MACROD2: variants seen among roughly 807,000 people sequenced by gnomAD.
MACROD2 encodes the protein ADP-ribose glycohydrolase MACROD2.
MACROD2 carries 36 observed loss-of-function variants against 70.4 expected under a neutral mutation model. The observed-to-expected ratio is 0.51, with a 90% CI of 0.39 to 0.68. MACROD2 has a LOEUF of 0.68. Among genes scored for constraint, MACROD2 ranks in the 30% least tolerant of loss-of-function variants. The pLI is 0.00. For missense variants in MACROD2, 496 were observed against 538.4 expected (o/e 0.92, Z 0.78); for synonymous variants, 172 against 178.8 (o/e 0.96, Z 0.30).
chr20:15,338,856 G>A (rs999741623), intron 6 of MACROD2, among the ~76,000 whole-genome samples: 1 of 137,284 alleles, frequency 7.3e-6, no homozygotes, highest in African/African-American at 3.6e-5. Context: ...AAGCATTATG[G>A]TTCATTTTAA....
rs563545713 is a variant in MACROD2 at position 15,607,398 on chromosome 20, A to G, written c.645+107551A>G. ...AGATGCTCAGTTCTTTCCTGTTCAC[A>G]GTGACCCAAGAGCTTGATACTTTTC... is the stretch of plus-strand genomic sequence containing the variant. On this transcript the variant is annotated intron_variant, in intron 8 of 17. Coordinates refer to ENST00000684519, the MANE Select transcript of MACROD2 (RefSeq NM_001351661.2). Among the ~76,000 whole-genome samples, 45 of 152,362 alleles carry G rather than the reference A, an allele frequency of 3.0e-4. 1 individual carries two copies. In the South Asian group the frequency reaches 8.5e-3, roughly 29 times the overall value.
At chr20:15,950,609 C>T (rs561285236) in intron 12 of MACROD2, among the ~76,000 whole-genome samples, 1 of 152,274 alleles carries the variant, frequency 6.6e-6, no homozygotes, top group South Asian at 2.1e-4. Context: ...TGTATTTTGA[C>T]TGGGCAAAAA....
intron 3 of MACROD2, among the ~76,000 whole-genome samples, chr20:14,176,717 A>C (rs1223671976): frequency 1.3e-5 from 2 of 152,196 alleles, no homozygotes; most frequent in Non-Finnish European, 2.9e-5. Context: ...TATAAGAAGA[A>C]ATGTTATGCT....
chr20:14,222,269 A>C (rs976062386), intron 3 of MACROD2, among the ~76,000 whole-genome samples: 1 of 152,224 alleles, frequency 6.6e-6, no homozygotes, highest in Non-Finnish European at 1.5e-5. Flanking sequence ...AATAAAGAAA[A>C]GGTAGTATCT....
intron 4 of MACROD2, among the ~76,000 whole-genome samples, chr20:14,596,319 T>G (rs1458555616): frequency 6.6e-6 from 1 of 151,310 alleles, no homozygotes; most frequent in Non-Finnish European, 1.5e-5. Context: ...CTCAATCTCC[T>G]GACCTTGTGA....
chr20:16,025,019 C>T (rs1255149958), intron 15 of MACROD2, among the ~76,000 whole-genome samples: 2 of 152,136 alleles, frequency 1.3e-5, no homozygotes, highest in Non-Finnish European at 1.5e-5. Context: ...GCCTTCTTCT[C>T]AAAGGTGAAT....
At chr20:14,976,847 G>A (rs1226415725) in intron 5 of MACROD2, among the ~76,000 whole-genome samples, 5 of 152,096 alleles carry the variant, frequency 3.3e-5, no homozygotes, top group Admixed American at 6.5e-5. Context: ...ATTAAGTCAA[G>A]GCATGCACAG....
intron 6 of MACROD2, among the ~76,000 whole-genome samples, chr20:15,241,798 A>G (rs936783847): frequency 1.3e-5 from 2 of 150,356 alleles, no homozygotes; most frequent in Non-Finnish European, 3.0e-5. Context: ...GCTCAAATCT[A>G]TGCTAAATAC....
At chr20:15,804,771 A>G (rs1399872883) in intron 8 of MACROD2, among the ~76,000 whole-genome samples, 1 of 151,930 alleles carries the variant, frequency 6.6e-6, no homozygotes, top group Non-Finnish European at 1.5e-5. Context: ...AACTGCAAAT[A>G]CCTGTGACTC....
chr20:15,434,041 C>T (rs1405402210), intron 7 of MACROD2, among the ~76,000 whole-genome samples: 2 of 151,960 alleles, frequency 1.3e-5, no homozygotes, highest in Non-Finnish European at 2.9e-5. Context: ...CAAAAATCAA[C>T]TCAAGATGGA....
chr20:15,413,668 C>T (rs1181714456), intron 6 of MACROD2, among the ~76,000 whole-genome samples: 1 of 152,144 alleles, frequency 6.6e-6, no homozygotes, highest in Non-Finnish European at 1.5e-5. Flanking sequence ...TATGGTTCAA[C>T]CTGAAGGCAG....
At chr20:14,707,133 T>C (rs2071279054) in intron 5 of MACROD2, among the ~76,000 whole-genome samples, 1 of 152,168 alleles carries the variant, frequency 6.6e-6, no homozygotes, top group East Asian at 1.9e-4. Flanking sequence ...TGTGTAACTT[T>C]GCAGAATTGA....
chr20:14,420,698 G>T (rs1216802099), intron 3 of MACROD2, among the ~76,000 whole-genome samples: 1 of 152,028 alleles, frequency 6.6e-6, no homozygotes, highest in African/African-American at 2.4e-5. Context: ...TCTTGAAAAT[G>T]TTCTTTTTTT....
At chr20:14,771,420 G>T (rs1211753150) in intron 5 of MACROD2, among the ~76,000 whole-genome samples, 1 of 151,502 alleles carries the variant, frequency 6.6e-6, no homozygotes, top group Non-Finnish European at 1.5e-5. Flanking sequence ...CTATAAAGTA[G>T]GTAATATATT....
intron 3 of MACROD2, among the ~76,000 whole-genome samples, chr20:14,240,740 A>G (rs1393679982): frequency 1.3e-5 from 2 of 152,242 alleles, no homozygotes; most frequent in African/African-American, 4.8e-5. Flanking sequence ...AAGAGGTACT[A>G]TGCCTATTAC....
At position 15,495,217 on chromosome 20, in the gene MACROD2, A is replaced by C. The variant is rs74337592; in HGVS notation, c.572-4557A>C. Reference sequence around the variant, plus strand: ...TCTTGGAAGTCCATCCCTAGGCTAAAATCTGTCTTTGTCTATTCATTGGTC... The same window carrying C: ...TCTTGGAAGTCCATCCCTAGGCTAACATCTGTCTTTGTCTATTCATTGGTC... On this transcript the variant is annotated intron_variant, in intron 7 of 17. Coordinates refer to ENST00000684519, the MANE Select transcript of MACROD2 (RefSeq NM_001351661.2). Among the ~76,000 whole-genome samples the C allele has an allele frequency of 7.2e-3, 1,089 of 152,240 alleles. 9 individuals are homozygous for C. Among genetic ancestry groups the C allele is most frequent in the African/African-American group, 0.025 (1,047 of 41,520 alleles).
At chr20:14,163,901 GTTTC>G (rs1555927730) in intron 3 of MACROD2, among the ~76,000 whole-genome samples, 1 of 151,492 alleles carries the variant, frequency 6.6e-6, no homozygotes, top group Non-Finnish European at 1.5e-5. Flanking sequence ...ATCTCACTGA[GTTTC>G]TTTAGTATAC....
At chr20:15,571,849 T>C (rs2048380360) in intron 8 of MACROD2, among the ~76,000 whole-genome samples, 1 of 152,124 alleles carries the variant, frequency 6.6e-6, no homozygotes, top group African/African-American at 2.4e-5. Flanking sequence ...AGACTAAAAA[T>C]AAACATGTCA....
At chr20:14,965,909 A>G (rs1028694669) in intron 5 of MACROD2, among the ~76,000 whole-genome samples, 5 of 152,306 alleles carry the variant, frequency 3.3e-5, no homozygotes, top group Admixed American at 6.5e-5. Context: ...AAACAAGTAT[A>G]AATAACCAAA....
Sources: gnomAD v4.1 joint callset for allele counts (sites outside exome capture counted in the v4.1 genomes callset) on GRCh38, gnomAD v4.1.1 for gene constraint, MANE v1.5 for transcripts, NCBI Gene and HGNC (gene_info 2026-07-23, HGNC 2026-07-21) for gene names.